ACOT12: variants seen among roughly 807,000 people sequenced by gnomAD.
ACOT12 encodes the protein acetyl-coenzyme A thioesterase.
Under a neutral mutation model 67.7 loss-of-function variants are expected in ACOT12, and 51 were observed. The ratio of observed to expected loss-of-function variants is 0.75; its 90% CI spans 0.60 to 0.95. The LOEUF is 0.95. Ranked by LOEUF, ACOT12 falls within the 40% of genes least tolerant of loss-of-function variation. The probability of loss-of-function intolerance (pLI) is 0.00; values close to 1 mark genes in which losing one functional copy is unlikely to be tolerated. For missense variants in ACOT12, 734 were observed against 708.1 expected, an observed-to-expected ratio of 1.04 and a Z score of -0.41; for synonymous variants, 251 against 244.6, an observed-to-expected ratio of 1.03 and a Z score of -0.24.
the ACOT12 span, among the ~76,000 whole-genome samples, chr5:81,321,088 T>G: frequency 6.6e-6 from 1 of 151,864 alleles, no homozygotes; most frequent in African/African-American, 2.4e-5. Context: ...AAACCCCGTC[T>G]CTACAAAAAA....
chr5:81,373,250 G>T (rs773913703), intron 2 of ACOT12, among the ~76,000 whole-genome samples: 2 of 152,194 alleles, frequency 1.3e-5, no homozygotes, highest in Non-Finnish European at 2.9e-5. Context: ...ACCCTACCAG[G>T]GAAGTGCAAG....
intron 12 of ACOT12, among the ~76,000 whole-genome samples, chr5:81,335,472 C>A (rs1387867631): frequency 2.0e-5 from 3 of 152,174 alleles, no homozygotes; most frequent in Non-Finnish European, 4.4e-5. Flanking sequence ...TCATGCAATC[C>A]TCCCACCTGG....
chr5:81,348,002 C>A, intron 5 of ACOT12, 72 bp from the exon 6 acceptor site: 1 of 1,491,226 alleles, frequency 6.7e-7, no homozygotes, highest in South Asian at 1.3e-5. Flanking sequence ...TTTTCCTTCC[C>A]GGCAGTACAT....
intron 2 of ACOT12, among the ~76,000 whole-genome samples, chr5:81,373,397 C>A (rs531067086): frequency 6.6e-6 from 1 of 152,230 alleles, no homozygotes. Context: ...CCTCCGGTGC[C>A]TAGGCCATCA....
At chr5:81,359,877 A>C in intron 5 of ACOT12, 26 bp downstream of exon 5, 1 of 1,589,958 alleles carries the variant, frequency 6.3e-7, no homozygotes, top group Non-Finnish European at 8.5e-7. Context: ...TATAGAATTA[A>C]AATTCTTATA....
At chr5:81,311,131 T>C in the ACOT12 span, 3 of 1,415,642 alleles carry the variant, frequency 2.1e-6, no homozygotes, top group Non-Finnish European at 3.0e-6. Context: ...GAGGATCCAG[T>C]AAGATGTGAA....
the ACOT12 span, among the ~76,000 whole-genome samples, chr5:81,321,884 T>C: frequency 3.6e-3 from 546 of 152,216 alleles, no homozygotes; most frequent in African/African-American, 0.012. Flanking sequence ...GAGGCAAAGG[T>C]TGCGGTGAGT....
Position 81,345,887 on chromosome 5 carries a change from G to A in ACOT12, c.771C>T (p.Thr257=). 6.2e-7 allele frequency: 1 copy of A among 1,613,712 alleles called. No homozygotes were observed. The highest frequency in any genetic ancestry group is 8.5e-7 in the Non-Finnish European group (1 of 1,179,772). ...FTAIVNNTFQ[T]CVEVGVRVEA... Reference sequence around the variant, plus strand: ...AGCAGCCTAAGGGCTCACTTTACCAGGTCTGAAATGTATTGTTGACAATGG... The same window carrying A: ...AGCAGCCTAAGGGCTCACTTTACCAAGTCTGAAATGTATTGTTGACAATGG... The change falls in exon 7 of 15, where the codon ACC becomes ACT. Residue 257 remains threonine, a splice_region_variant and synonymous_variant. Transcript: ENST00000307624.
chr5:81,350,153 T>TAACCTCCCTTACATGTTCCCC (rs1759509605), intron 5 of ACOT12, among the ~76,000 whole-genome samples: 1 of 152,230 alleles, frequency 6.6e-6, no homozygotes, highest in Admixed American at 6.5e-5. Flanking sequence ...TCATGTTTCC[T>TAACCTCCCTTACATGTTCCCC]AACCTCCCTT....
rs372572479 is a variant in ACOT12 at position 81,331,716 on chromosome 5, A to G, written c.1391+761T>C. On this transcript the variant is annotated intron_variant, in intron 13 of 14. Coordinates refer to ENST00000307624, the MANE Select transcript of ACOT12 (RefSeq NM_130767.3). ...CCTCTAGACTTTTTAAAATAAGTGT[A>G]TAAGAATGACATTTATATAAGCAAA... is the stretch of plus-strand genomic sequence containing the variant. Among the ~76,000 whole-genome samples, 7 of 152,346 alleles carry G rather than the reference A, an allele frequency of 4.6e-5. No homozygotes were observed. In the East Asian group the frequency reaches 9.6e-4, roughly 21 times the overall value.
At chr5:81,309,070 G>A in the ACOT12 span, 1 of 1,506,428 alleles carries the variant, frequency 6.6e-7, no homozygotes. Context: ...TAGCAGAAAT[G>A]GTGAGTCATC....
the ACOT12 span, among the ~76,000 whole-genome samples, chr5:81,319,934 A>G: frequency 1.3e-5 from 2 of 150,886 alleles, no homozygotes. Context: ...CTATATGGAG[A>G]ATAAATTGTA....
intron 3 of ACOT12, among the ~76,000 whole-genome samples, chr5:81,370,083 T>C (rs184452449): frequency 4.5e-4 from 68 of 152,162 alleles, no homozygotes; most frequent in Middle Eastern, 3.4e-3. Context: ...AAGATTGAGA[T>C]CATCCTGGCC....
Position 81,385,801 on chromosome 5 carries a change from G to A in ACOT12, c.153C>T (p.Cys51=), listed in dbSNP as rs754771643. The change falls in exon 2 of 15, where the codon TGC becomes TGT. Residue 51 remains cysteine (C), a synonymous_variant. Coordinates refer to ENST00000307624, the MANE Select transcript of ACOT12 (RefSeq NM_130767.3). ...LAAEKHAGVS[C]VTASVDDIQF... is the part of the protein sequence containing the mutation. ...GTATGTCATCCACTGAGGCTGTAAC[G>A]CAGGAAACTCCAGCATGTTTCTCAG... 1.2e-5 allele frequency: 20 copies of A among 1,613,982 alleles called. No homozygotes were observed. The highest frequency in any genetic ancestry group is 1.2e-4 in the South Asian group (11 of 91,072).
the ACOT12 span, among the ~76,000 whole-genome samples, chr5:81,309,932 A>G: frequency 1.3e-5 from 2 of 152,194 alleles, no homozygotes; most frequent in Non-Finnish European, 2.9e-5. Context: ...GATACATCTT[A>G]TAATCAGTGG....
At chr5:81,384,038 T>G (rs1054782650) in intron 2 of ACOT12, among the ~76,000 whole-genome samples, 1 of 151,810 alleles carries the variant, frequency 6.6e-6, no homozygotes. Flanking sequence ...TGCTCAGCAC[T>G]CACTGACTCC....
At chr5:81,322,635 T>G in the ACOT12 span, among the ~76,000 whole-genome samples, 4 of 152,276 alleles carry the variant, frequency 2.6e-5, no homozygotes, top group African/African-American at 9.6e-5. Flanking sequence ...CTTGGTGTAT[T>G]AGTCTGTTCT....
intron 5 of ACOT12, among the ~76,000 whole-genome samples, chr5:81,356,216 C>T (rs1286933029): frequency 2.0e-5 from 3 of 152,210 alleles, no homozygotes; most frequent in Admixed American, 6.5e-5. Context: ...CTTCTAACCC[C>T]ACACTTGCCG....
At chr5:81,311,108 C>G in the ACOT12 span, 1 of 1,154,894 alleles carries the variant, frequency 8.7e-7, no homozygotes, top group Non-Finnish European at 1.3e-6. Flanking sequence ...ACCTTTACAA[C>G]TGACAGGGTT....
Sources: allele counts gnomAD v4.1 joint callset (sites outside exome capture counted in the v4.1 genomes callset), GRCh38; gene constraint gnomAD v4.1.1; transcripts MANE v1.5; gene names NCBI Gene and HGNC (gene_info 2026-07-23, HGNC 2026-07-21).